CSGALNACT1: variants seen among roughly 807,000 people sequenced by gnomAD.
CSGALNACT1 encodes the protein chondroitin sulfate N-acetylgalactosaminyltransferase 1.
A neutral mutation model predicts 51.0 loss-of-function variants in CSGALNACT1; 52 were observed. That is an observed-to-expected ratio of 1.02 (90% CI 0.82 to 1.29). The LOEUF (loss-of-function observed/expected upper bound fraction) is 1.29. CSGALNACT1 is among the 50% of genes most tolerant of loss of function. The pLI, the probability that CSGALNACT1 is intolerant of heterozygous loss-of-function variation, is 0.00. For synonymous variants in CSGALNACT1, 341 were observed against 254.4 expected, an observed-to-expected ratio of 1.34 and a Z score of -3.24; for missense variants, 935 against 679.2, an observed-to-expected ratio of 1.38 and a Z score of -4.19.
At chr8:19,593,239 G>C (rs750713135) in intron 2 of CSGALNACT1, among the ~76,000 whole-genome samples, 23 of 152,174 alleles carry the variant, frequency 1.5e-4, no homozygotes, top group African/African-American at 2.7e-4. Flanking sequence ...GCACATAAAC[G>C]CAAGTTCTCA....
intron 4 of CSGALNACT1, among the ~76,000 whole-genome samples, chr8:19,460,591 C>A (rs1424882788): frequency 1.3e-5 from 2 of 152,306 alleles, no homozygotes; most frequent in African/African-American, 2.4e-5. Flanking sequence ...CTACAGAAAT[C>A]AATCTCCAGG....
chr8:19,446,718 T>C (rs1170770985), intron 5 of CSGALNACT1, among the ~76,000 whole-genome samples: 1 of 152,168 alleles, frequency 6.6e-6, no homozygotes, highest in African/African-American at 2.4e-5. Flanking sequence ...TTCACCATGT[T>C]GGCCAGGCTG....
chr8:19,536,812 T>C (rs1448784092), intron 3 of CSGALNACT1, among the ~76,000 whole-genome samples: 3 of 152,174 alleles, frequency 2.0e-5, no homozygotes, highest in Non-Finnish European at 2.9e-5. Flanking sequence ...GAGAGATAGA[T>C]ATACAGAACA....
intron 3 of CSGALNACT1, among the ~76,000 whole-genome samples, chr8:19,590,528 C>A (rs928019317): frequency 6.6e-6 from 1 of 151,728 alleles, no homozygotes; most frequent in African/African-American, 2.4e-5. Context: ...CCACTGCTCA[C>A]TGTGGTTGAG....
chr8:19,507,528 GAAAAAAAAAAA>G (rs35759799), intron 3 of CSGALNACT1, among the ~76,000 whole-genome samples: 9 of 74,888 alleles, frequency 1.2e-4, no homozygotes, highest in Admixed American at 5.0e-4. Context: ...ATCTTAGCCA[GAAAAAAAAAAA>G]AAAAAAAAAA....
At chr8:19,574,643 T>G (rs1441702393) in intron 3 of CSGALNACT1, among the ~76,000 whole-genome samples, 2 of 152,116 alleles carry the variant, frequency 1.3e-5, no homozygotes, top group Non-Finnish European at 2.9e-5. Context: ...GGCAGTGCCC[T>G]CCAGCCCTGT....
At chr8:19,649,137 G>A (rs187039306) in intron 1 of CSGALNACT1, among the ~76,000 whole-genome samples, 16 of 152,282 alleles carry the variant, frequency 1.1e-4, no homozygotes, top group Admixed American at 9.2e-4. Flanking sequence ...TATTTCGTTT[G>A]TTCCTCTCAG....
intron 3 of CSGALNACT1, among the ~76,000 whole-genome samples, chr8:19,559,246 T>C (rs1356513768): frequency 6.6e-6 from 1 of 152,168 alleles, no homozygotes; most frequent in Non-Finnish European, 1.5e-5. Context: ...TATAATTTTT[T>C]CAATAAATGC....
chr8:19,667,026 AGGAAGGAAGG>A (rs1564386705), intron 1 of CSGALNACT1, among the ~76,000 whole-genome samples: 15 of 38,496 alleles, frequency 3.9e-4, no homozygotes, highest in African/African-American at 2.6e-3. Flanking sequence ...AAAGGAAGGA[AGGAAGGAAGG>A]AAGGAAGAAA....
At chr8:19,610,614 A>T (rs1480015145) in intron 1 of CSGALNACT1, among the ~76,000 whole-genome samples, 1 of 152,168 alleles carries the variant, frequency 6.6e-6, no homozygotes, top group Non-Finnish European at 1.5e-5. Flanking sequence ...CAGAAGGAGA[A>T]CAATGCAGAG....
chr8:19,480,273 C>T (rs946687140), intron 4 of CSGALNACT1, among the ~76,000 whole-genome samples: 6 of 152,170 alleles, frequency 3.9e-5, no homozygotes, highest in Non-Finnish European at 7.3e-5. Flanking sequence ...ATCCTCCACC[C>T]TCAGAGGTAG....
chr8:19,505,671 T>A lies in CSGALNACT1; in HGVS notation c.164A>T (p.Glu55Val), dbSNP rs746914143. The change falls in exon 4 of 10, where the codon GAG (glutamate) becomes GTG (valine). Residue 55 changes from glutamate to valine, a missense_variant. Physicochemically the swap from Glu to Val is moderately radical, Grantham distance 121. Coordinates refer to ENST00000454498, the Ensembl canonical transcript of CSGALNACT1. ...CTCCTGAAGGACGGCCTGGTACCCC[T>A]CCTTCCCCGTGGGGCTGTTGGCCCT... 7 of 1,614,036 alleles carry A rather than the reference T, an allele frequency of 4.3e-6. No individual in the cohort carries two copies. The South Asian group carries it at 5.5e-5, about 13-fold the overall frequency.
At chr8:19,623,313 T>C (rs1402450737) in intron 1 of CSGALNACT1, among the ~76,000 whole-genome samples, 1 of 152,206 alleles carries the variant, frequency 6.6e-6, no homozygotes, top group African/African-American at 2.4e-5. Flanking sequence ...TAATCATAGA[T>C]ATTTTAATAT....
At chr8:19,420,368 G>A (rs757522479) in exon 7 of CSGALNACT1, 47 of 1,614,170 alleles carry the variant, frequency 2.9e-5, no homozygotes, top group Non-Finnish European at 4.0e-5. Context: ...TACACGTATT[G>A]AGGAATTCAG....
At chr8:19,414,210 G>T (rs2056438166) in intron 8 of CSGALNACT1, among the ~76,000 whole-genome samples, 1 of 152,146 alleles carries the variant, frequency 6.6e-6, no homozygotes, top group African/African-American at 2.4e-5. Flanking sequence ...GCACATCTCT[G>T]GCTCTGTGCC....
intron 1 of CSGALNACT1, among the ~76,000 whole-genome samples, chr8:19,648,873 C>T (rs541046325): frequency 2.7e-4 from 41 of 152,206 alleles, no homozygotes; most frequent in African/African-American, 9.6e-4. Context: ...AAATTATATC[C>T]ATGAAACGGA....
chr8:19,622,396 A>G (rs1407952958), intron 1 of CSGALNACT1, among the ~76,000 whole-genome samples: 1 of 152,240 alleles, frequency 6.6e-6, no homozygotes, highest in Non-Finnish European at 1.5e-5. Context: ...ATGAGAGACA[A>G]CTATTAAATT....
intron 4 of CSGALNACT1, among the ~76,000 whole-genome samples, chr8:19,482,007 C>T (rs1203536485): frequency 6.6e-6 from 1 of 152,140 alleles, no homozygotes; most frequent in Non-Finnish European, 1.5e-5. Flanking sequence ...TAGGCAAACA[C>T]ACCGATGCTT....
chr8:19,482,445 T>C (rs1054340308), intron 4 of CSGALNACT1, among the ~76,000 whole-genome samples: 1 of 152,220 alleles, frequency 6.6e-6, no homozygotes, highest in South Asian at 2.1e-4. Context: ...TGATGTTCTC[T>C]CCCCAATCCA....
Sources: gnomAD v4.1 joint callset for allele counts (sites outside exome capture counted in the v4.1 genomes callset) on GRCh38, gnomAD v4.1.1 for gene constraint, MANE v1.5 for transcripts, NCBI Gene and HGNC (gene_info 2026-07-23, HGNC 2026-07-21) for gene names.